TRAPPC9: variants seen among roughly 807,000 people sequenced by gnomAD.
The protein encoded by TRAPPC9 is IKK2 binding protein.
In TRAPPC9, 83 loss-of-function variants were observed where a neutral mutation model predicts 124.0. The ratio of observed to expected loss-of-function variants is 0.67; its 90% confidence interval spans 0.56 to 0.80. The LOEUF is 0.80. Among genes scored for constraint, TRAPPC9 ranks in the 30% least tolerant of loss-of-function variants. The probability of loss-of-function intolerance (pLI) is 0.00; values close to 1 mark genes in which losing one functional copy is unlikely to be tolerated. For synonymous variants in TRAPPC9, 638 were observed against 617.5 expected (o/e 1.03, Z -0.49); for missense variants, 1,302 against 1,508.3 (o/e 0.86, Z 2.27).
At chr8:139,916,704 T>G (rs190985151) in intron 19 of TRAPPC9, 1 of 152,408 alleles carries the variant, frequency 6.6e-6, no homozygotes, top group East Asian at 1.9e-4. Context: ...GCTGTGATTT[T>G]TGAAGAGTCT....
intron 9 of TRAPPC9, among the ~76,000 whole-genome samples, chr8:140,349,237 GCACA>G (rs1435520668): frequency 1.6e-4 from 16 of 101,060 alleles, no homozygotes; most frequent in Non-Finnish European, 3.0e-4. Flanking sequence ...GCCGAAGGGG[GCACA>G]CGACGGAAGG....
At chr8:140,315,675 C>A (rs990255899) in intron 9 of TRAPPC9, among the ~76,000 whole-genome samples, 12 of 152,104 alleles carry the variant, frequency 7.9e-5, no homozygotes, top group Non-Finnish European at 1.5e-4. Context: ...AAACCTTTGA[C>A]CTTTCCAAAA....
intron 17 of TRAPPC9, chr8:140,100,155 G>C (rs191046615): frequency 1.3e-5 from 2 of 150,710 alleles, no homozygotes; most frequent in East Asian, 3.9e-4. Context: ...GCCCACCCGG[G>C]TCCTCCGCAG....
intron 19 of TRAPPC9, among the ~76,000 whole-genome samples, chr8:139,951,286 C>T (rs881379): frequency 0.3 from 45,727 of 152,090 alleles, 7,218 homozygotes; most frequent in East Asian, 0.63. Flanking sequence ...GGTTAGCACA[C>T]GAGTCAGGCC....
intron 15 of TRAPPC9, among the ~76,000 whole-genome samples, chr8:140,253,201 C>A (rs2064169289): frequency 6.6e-6 from 1 of 152,154 alleles, no homozygotes; most frequent in Non-Finnish European, 1.5e-5. Flanking sequence ...CCTTAGTGAG[C>A]AACTCCTTCT....
chr8:140,385,498 C>A (rs1010698727), intron 7 of TRAPPC9, among the ~76,000 whole-genome samples: 11 of 152,190 alleles, frequency 7.2e-5, no homozygotes, highest in African/African-American at 2.6e-4. Context: ...ACCACCAATC[C>A]CACAGAAATA....
chr8:140,103,879 C>T (rs1440981789), intron 17 of TRAPPC9, among the ~76,000 whole-genome samples: 1 of 152,218 alleles, frequency 6.6e-6, no homozygotes, highest in Non-Finnish European at 1.5e-5. Context: ...AGCCCAACTC[C>T]TGTGTTCTTT....
chr8:140,137,675 A>G (rs191298892), intron 17 of TRAPPC9, among the ~76,000 whole-genome samples: 8 of 152,328 alleles, frequency 5.3e-5, no homozygotes, highest in African/African-American at 1.2e-4. Flanking sequence ...CATTTTCTTT[A>G]AAATCTGAGA....
chr8:139,848,255 C>T (rs1379740518), intron 21 of TRAPPC9, among the ~76,000 whole-genome samples: 1 of 152,220 alleles, frequency 6.6e-6, no homozygotes, highest in Admixed American at 6.5e-5. Context: ...GCACTTTGCT[C>T]ACTCCTCTGC....
intron 2 of TRAPPC9, among the ~76,000 whole-genome samples, chr8:140,448,577 G>A (rs1384176180): frequency 6.6e-6 from 1 of 152,234 alleles, no homozygotes; most frequent in Non-Finnish European, 1.5e-5. Context: ...AGGAAGGCAT[G>A]AGTCAAGGGG....
intron 21 of TRAPPC9, among the ~76,000 whole-genome samples, chr8:139,733,758 C>T (rs1817985403): frequency 6.6e-6 from 1 of 152,260 alleles, no homozygotes; most frequent in Non-Finnish European, 1.5e-5. Flanking sequence ...GGGCCTGGTG[C>T]CAGCACCCTG....
rs548960219 is a variant in TRAPPC9 at position 139,812,294 on chromosome 8, G to A, written c.3055+73585C>T. 3.3e-5 allele frequency among the ~76,000 whole-genome samples: 5 copies of A among 152,244 alleles called. No individual in the cohort carries two copies. In the South Asian group the frequency reaches 8.3e-4, roughly 25 times the overall value. ...CTTGGCTTAGCTGTGAAAAACAATC[G>A]CATTGTCACAGTAAAAATGAACAGA... On this transcript the variant is annotated intron_variant, in intron 21 of 22. Transcript: ENST00000438773.
intron 17 of TRAPPC9, among the ~76,000 whole-genome samples, chr8:140,170,261 G>C (rs749451492): frequency 1.3e-5 from 2 of 152,036 alleles, no homozygotes; most frequent in Non-Finnish European, 2.9e-5. Flanking sequence ...ATTTCTGTTG[G>C]ATGCTATGCT....
intron 21 of TRAPPC9, among the ~76,000 whole-genome samples, chr8:139,779,654 T>C (rs373294011): frequency 1.3e-5 from 2 of 152,252 alleles, no homozygotes; most frequent in Admixed American, 6.5e-5. Context: ...AAGTCAAAGA[T>C]GTATATTCTA....
At chr8:140,302,426 ATCTG>A (rs1369913332) in intron 10 of TRAPPC9, among the ~76,000 whole-genome samples, 1 of 152,216 alleles carries the variant, frequency 6.6e-6, no homozygotes, top group East Asian at 1.9e-4. Flanking sequence ...CCAGGACCTT[ATCTG>A]TCTGTAGCTG....
At chr8:140,052,796 A>T (rs1842079261) in intron 17 of TRAPPC9, among the ~76,000 whole-genome samples, 2 of 150,890 alleles carry the variant, frequency 1.3e-5, no homozygotes, top group Admixed American at 6.6e-5. Context: ...AAAAAAAAAA[A>T]TTTAGTCAGG....
chr8:140,219,241 C>A (rs1445950538), intron 17 of TRAPPC9, among the ~76,000 whole-genome samples: 1 of 152,222 alleles, frequency 6.6e-6, no homozygotes, highest in East Asian at 1.9e-4. Context: ...CGGCGATCAT[C>A]GCGAGGGCAG....
intron 21 of TRAPPC9, among the ~76,000 whole-genome samples, chr8:139,861,030 T>C (rs935838586): frequency 6.6e-6 from 1 of 152,264 alleles, no homozygotes; most frequent in African/African-American, 2.4e-5. Flanking sequence ...GCAGCCCTTC[T>C]ATATTTTCTG....
intron 7 of TRAPPC9, among the ~76,000 whole-genome samples, chr8:140,377,822 C>A (rs73713114): frequency 2.6e-5 from 4 of 151,990 alleles, no homozygotes; most frequent in African/African-American, 9.7e-5. Flanking sequence ...TAGATGGACA[C>A]GGTGGTGCAC....
Sources: gnomAD v4.1 joint callset for allele counts (sites outside exome capture counted in the v4.1 genomes callset) on GRCh38, gnomAD v4.1.1 for gene constraint, MANE v1.5 for transcripts, NCBI Gene and HGNC (gene_info 2026-07-23, HGNC 2026-07-21) for gene names.